Variants in SLX4IP observed in about 807,000 individuals in gnomAD.
The protein encoded by SLX4IP is protein SLX4IP.
Under a neutral mutation model 32.9 loss-of-function variants are expected in SLX4IP, and 34 were observed. The ratio of observed to expected loss-of-function variants is 1.03; its 90% CI spans 0.79 to 1.38. The LOEUF is 1.38. Among genes scored for constraint, SLX4IP ranks in the 40% most tolerant of loss-of-function variants. SLX4IP has a pLI of 0.00. For synonymous variants in SLX4IP, 172 were observed against 171.7 expected (o/e 1.00, Z -0.01); for missense variants, 444 against 479.0 (o/e 0.93, Z 0.68).
At chr20:10,540,112 C>CT (rs1223623381) in intron 2 of SLX4IP, among the ~76,000 whole-genome samples, 2 of 141,940 alleles carry the variant, frequency 1.4e-5, no homozygotes, top group African/African-American at 5.5e-5. Flanking sequence ...TCCTTCCTTC[C>CT]TTCCTTCCTT....
At chr20:10,499,143 G>T (rs2065695106) in intron 2 of SLX4IP, among the ~76,000 whole-genome samples, 2 of 151,956 alleles carry the variant, frequency 1.3e-5, no homozygotes, top group Admixed American at 6.6e-5. Flanking sequence ...AAAATTATGG[G>T]TCTAATACAG....
chr20:10,546,461 A>G (rs977515687), intron 2 of SLX4IP, among the ~76,000 whole-genome samples: 12 of 152,176 alleles, frequency 7.9e-5, no homozygotes, highest in East Asian at 1.9e-4. Flanking sequence ...TGCCCTACCT[A>G]TCTGTAAATC....
At chr20:10,492,971 A>G (rs941411594) in intron 2 of SLX4IP, among the ~76,000 whole-genome samples, 1 of 143,890 alleles carries the variant, frequency 6.9e-6, no homozygotes, top group African/African-American at 2.6e-5. Context: ...ACATTATCAC[A>G]AGTCTTTTTT....
At chr20:10,613,714 C>G in intron 6 of SLX4IP, 1 of 1,612,722 alleles carries the variant, frequency 6.2e-7, no homozygotes, top group Non-Finnish European at 8.5e-7. Flanking sequence ...ACCTCTCCGG[C>G]GTCAATAGCT....
At chr20:10,467,563 A>C (rs1325927000) in intron 2 of SLX4IP, among the ~76,000 whole-genome samples, 2 of 152,252 alleles carry the variant, frequency 1.3e-5, no homozygotes, top group Non-Finnish European at 2.9e-5. Context: ...AAAGACATAC[A>C]GGGTCAATGC....
chr20:10,582,543 G>T (rs1302723827), intron 4 of SLX4IP, among the ~76,000 whole-genome samples: 2 of 152,028 alleles, frequency 1.3e-5, no homozygotes, highest in Non-Finnish European at 2.9e-5. Flanking sequence ...TGGTAATCTG[G>T]CTTGAGTCTG....
At chr20:10,617,389 A>C (rs1035124704) in intron 6 of SLX4IP, among the ~76,000 whole-genome samples, 1 of 152,082 alleles carries the variant, frequency 6.6e-6, no homozygotes, top group African/African-American at 2.4e-5. Context: ...CAGTCTTCCC[A>C]CTGGCCTGCG....
intron 2 of SLX4IP, among the ~76,000 whole-genome samples, chr20:10,477,562 C>T (rs1479762488): frequency 6.6e-6 from 1 of 152,070 alleles, no homozygotes. Context: ...CCACCGTGCC[C>T]GGCCGAAGGG....
chr20:10,556,384 C>G, intron 3 of SLX4IP, 64 bp downstream of exon 3: 1 of 1,440,152 alleles, frequency 6.9e-7, no homozygotes, highest in South Asian at 1.2e-5. Flanking sequence ...AATATCAGCT[C>G]TTTCCAGCTT....
chr20:10,607,213 A>G (rs1264765156), intron 6 of SLX4IP, among the ~76,000 whole-genome samples: 1 of 152,182 alleles, frequency 6.6e-6, no homozygotes, highest in Non-Finnish European at 1.5e-5. Context: ...ACACATGACA[A>G]TGAGGCATCT....
At chr20:10,488,259 T>G (rs904377125) in intron 2 of SLX4IP, among the ~76,000 whole-genome samples, 1 of 152,166 alleles carries the variant, frequency 6.6e-6, no homozygotes, top group Non-Finnish European at 1.5e-5. Context: ...TGACTGATGT[T>G]CCTATAGAAA....
rs760541626 is a variant in SLX4IP, at chr20:10,622,856, T to C, written c.704T>C (p.Leu235Pro). The change falls in exon 8 of 8, where the codon CTT becomes CCT. Residue 235 changes from leucine (L) to proline (P), a missense_variant. Transcript: ENST00000334534. ...AAGGCAGCTGAGAGCCACTGGGGGC[T>C]TCCTGTTCAAAAGCTGGAAAAAGTT... ...SIKAAESHWG[L>P]PVQKLEKVNQ... is the part of the protein sequence containing the mutation. 1 of 1,614,002 alleles carries C rather than the reference T, an allele frequency of 6.2e-7. No individual in the cohort carries two copies. Among genetic ancestry groups the C allele is most frequent in the Non-Finnish European group, 8.5e-7 (1 of 1,179,996 alleles).
At chr20:10,505,205 T>C (rs1166483034) in intron 2 of SLX4IP, among the ~76,000 whole-genome samples, 1 of 152,210 alleles carries the variant, frequency 6.6e-6, no homozygotes, top group Non-Finnish European at 1.5e-5. Flanking sequence ...AGAGGAATGA[T>C]AAATGCAAAC....
chr20:10,529,743 A>G (rs966564792), intron 2 of SLX4IP, among the ~76,000 whole-genome samples: 15 of 152,046 alleles, frequency 9.9e-5, no homozygotes, highest in African/African-American at 2.7e-4. Flanking sequence ...CATAATTGCT[A>G]TCATAGAAAA....
At chr20:10,552,557 G>A (rs964378742) in intron 2 of SLX4IP, among the ~76,000 whole-genome samples, 4 of 152,072 alleles carry the variant, frequency 2.6e-5, no homozygotes, top group African/African-American at 9.7e-5. Flanking sequence ...AGCCCCCTGC[G>A]GGGGAGGGGA....
chr20:10,444,953 C>T (rs1240405780), intron 1 of SLX4IP, among the ~76,000 whole-genome samples: 2 of 152,132 alleles, frequency 1.3e-5, no homozygotes, highest in African/African-American at 2.4e-5. Context: ...TGGGCCCATC[C>T]ATGACTGTCA....
intron 2 of SLX4IP, among the ~76,000 whole-genome samples, chr20:10,553,298 C>T (rs1369613401): frequency 6.6e-6 from 1 of 151,360 alleles, no homozygotes; most frequent in Non-Finnish European, 1.5e-5. Context: ...AGATCCATCA[C>T]TATGTGACAA....
At chr20:10,609,611 C>T (rs1318294922) in intron 6 of SLX4IP, among the ~76,000 whole-genome samples, 3 of 152,192 alleles carry the variant, frequency 2.0e-5, no homozygotes, top group South Asian at 2.1e-4. Context: ...CTACTCCCTG[C>T]GCAGCTGGAC....
intron 1 of SLX4IP, among the ~76,000 whole-genome samples, chr20:10,441,904 C>G (rs2065162790): frequency 6.6e-6 from 1 of 151,940 alleles, no homozygotes. Context: ...GTGATTCATT[C>G]CTTGATATTG....
Sources: allele counts gnomAD v4.1 joint callset (sites outside exome capture counted in the v4.1 genomes callset), GRCh38; gene constraint gnomAD v4.1.1; transcripts MANE v1.5; gene names NCBI Gene and HGNC (gene_info 2026-07-23, HGNC 2026-07-21).